The following MINAR2 variants were observed in gnomAD, a reference collection of about 807,000 sequenced individuals.
MINAR2 encodes membrane integral NOTCH2 associated receptor 2.
MINAR2 carries 21 observed loss-of-function variants against 16.1 expected under a neutral mutation model. That is an observed-to-expected ratio of 1.31 (90% CI 0.93 to 1.88). The LOEUF (loss-of-function observed/expected upper bound fraction) is 1.88, where lower values mean the gene tolerates loss of function less well. Ranked by LOEUF, MINAR2 falls within the 40% of genes most tolerant of loss-of-function variation. MINAR2 has a pLI of 0.00. For missense variants in MINAR2, 259 were observed against 229.8 expected (o/e 1.13, Z -0.82); for synonymous variants, 86 against 83.0 (o/e 1.04, Z -0.20).
chr5:129,748,465 G>C, intron 1 of MINAR2, 110 bp downstream of exon 1: 1 of 1,101,110 alleles, frequency 9.1e-7, no homozygotes. Context: ...GTACAAGGTA[G>C]CTGCTCTGTC....
rs560672066 is a variant in MINAR2 at position 129,752,972 on chromosome 5, T to C, written c.165+4617T>C. On this transcript the variant is annotated intron_variant, in intron 1 of 2. Coordinates refer to ENST00000564719, the MANE Select transcript of MINAR2 (RefSeq NM_001257308.2). ...TAAGGGCGAGAGGCTGCTCTTCCAT[T>C]GATTTCTAGACAATGTCATTTACTG... is the stretch of plus-strand genomic sequence containing the variant. Among the ~76,000 whole-genome samples the C allele has an allele frequency of 2.6e-5, 4 of 152,240 alleles. No homozygotes were observed. In the East Asian group the frequency reaches 7.7e-4, roughly 29 times the overall value.
Position 129,753,480 on chromosome 5 carries a change from C to CAAAAAAAAAAA in MINAR2, c.165+5133_165+5143dup, listed in dbSNP as rs758914420. Among the ~76,000 whole-genome samples the CAAAAAAAAAAA allele has an allele frequency of 2.0e-5, 2 of 100,810 alleles. 1 individual carries two copies. 66.1% of individuals were successfully genotyped at this position (100,810 alleles called of 152,430 possible). ...CCCAGGCAACAGAGCAAGACTGTCT[C>CAAAAAAAAAAA]AAAAAAAAAAAAAAAAAAGTCCCAG... On this transcript the variant is annotated intron_variant, in intron 1 of 2. Transcript: ENST00000564719.
At chr5:129,752,488 G>C (rs1334399296) in intron 1 of MINAR2, among the ~76,000 whole-genome samples, 1 of 152,068 alleles carries the variant, frequency 6.6e-6, no homozygotes, top group African/African-American at 2.4e-5. Context: ...AACCAAACAC[G>C]GCATGTTCTC....
chr5:129,748,625 C>T (rs1157409097), intron 1 of MINAR2, among the ~76,000 whole-genome samples: 3 of 152,154 alleles, frequency 2.0e-5, no homozygotes, highest in African/African-American at 7.2e-5. Context: ...CCCTCATTTA[C>T]TCCTTCCCTT....
chr5:129,758,534 A>G (rs1329887675), intron 1 of MINAR2, among the ~76,000 whole-genome samples: 1 of 151,984 alleles, frequency 6.6e-6, no homozygotes, highest in Non-Finnish European at 1.5e-5. Context: ...GTATTTTGCT[A>G]CTTTTACACA....
At chr5:129,752,674 G>T (rs1417840061) in intron 1 of MINAR2, among the ~76,000 whole-genome samples, 3 of 152,010 alleles carry the variant, frequency 2.0e-5, no homozygotes, top group Non-Finnish European at 4.4e-5. Flanking sequence ...AACCACCTTG[G>T]CACAGGTATA....
Position 129,761,940 on chromosome 5 carries a change from A to G in MINAR2, c.393+1335A>G, listed in dbSNP as rs1159357516. ...AACAGAAAGTGCCATGCAGTGTTCTAACTCATAAGTGGGAGCTGAACAATG... is the reference window on the plus strand; with the variant it reads ...AACAGAAAGTGCCATGCAGTGTTCTGACTCATAAGTGGGAGCTGAACAATG... On this transcript the variant is annotated intron_variant, in intron 2 of 2. Coordinates refer to ENST00000564719, the MANE Select transcript of MINAR2 (RefSeq NM_001257308.2). 2.6e-5 allele frequency among the ~76,000 whole-genome samples: 4 copies of G among 152,098 alleles called. No homozygotes were observed. In the East Asian group the frequency reaches 7.7e-4, roughly 29 times the overall value.
intron 1 of MINAR2, among the ~76,000 whole-genome samples, chr5:129,748,850 A>C (rs1403908538): frequency 6.6e-6 from 1 of 152,144 alleles, no homozygotes; most frequent in Non-Finnish European, 1.5e-5. Flanking sequence ...AGAACAATGG[A>C]AACCTAATTA....
chr5:129,765,047 T>C lies in MINAR2; in HGVS notation c.557T>C (p.Ile186Thr). ...ISILVTIVTI[I>T]TFFT is the part of the protein sequence containing the mutation. ...ATCTTGGTTACCATAGTGACTATCA[T>C]TACTTTTTTCACCTGAGGAAACTGC... The change falls in exon 3 of 3, where the codon ATT becomes ACT. Residue 186 changes from isoleucine to threonine, a missense_variant. Ile to Thr is a moderately conservative substitution (Grantham distance 89, BLOSUM62 -1). Coordinates refer to ENST00000564719, the MANE Select transcript of MINAR2 (RefSeq NM_001257308.2). The C allele has an allele frequency of 7.7e-7, 1 of 1,298,298 alleles. No individual in the cohort carries two copies. The allele number at this position is 1,298,298 out of a possible 1,614,324, so 80.4% of individuals were successfully genotyped here.
chr5:129,756,591 T>G (rs1284123028), intron 1 of MINAR2, among the ~76,000 whole-genome samples: 1 of 152,130 alleles, frequency 6.6e-6, no homozygotes, highest in Non-Finnish European at 1.5e-5. Flanking sequence ...TTTCCATTCC[T>G]GAGTTACTTC....
At chr5:129,760,281 C>A in intron 1 of MINAR2, 97 bp from the exon 2 acceptor site, 1 of 899,004 alleles carries the variant, frequency 1.1e-6, no homozygotes. Flanking sequence ...TGTGTTTCTG[C>A]ACAAAATCAG....
chr5:129,755,516 G>A (rs569007074), intron 1 of MINAR2, among the ~76,000 whole-genome samples: 4 of 91,676 alleles, frequency 4.4e-5, no homozygotes, highest in Admixed American at 1.2e-4. Flanking sequence ...AATTATCACA[G>A]GTTTGTTAAT....
Position 129,759,291 on chromosome 5 carries a change from C to G in MINAR2, c.166-1087C>G, listed in dbSNP as rs927155655. 3.3e-5 allele frequency among the ~76,000 whole-genome samples: 5 copies of G among 151,974 alleles called. No individual in the cohort carries two copies. In the East Asian group the frequency reaches 5.8e-4, roughly 18 times the overall value. ...AATATCTGTGAATTAAGGAAATGAG[C>G]CACTTCTTTTTAAAGATTAAAGATT... is the stretch of plus-strand genomic sequence containing the variant. On this transcript the variant is annotated intron_variant, in intron 1 of 2. Transcript: ENST00000564719.
intron 2 of MINAR2, 24 bp from the exon 3 acceptor site, chr5:129,764,860 A>T (rs1758188217): frequency 8.0e-7 from 1 of 1,247,456 alleles, no homozygotes; most frequent in African/African-American, 1.5e-5. Flanking sequence ...GATTAATCAT[A>T]TTCTCTATGT....
At chr5:129,755,752 G>T (rs1052424161) in intron 1 of MINAR2, among the ~76,000 whole-genome samples, 6 of 151,918 alleles carry the variant, frequency 3.9e-5, no homozygotes, top group African/African-American at 1.4e-4. Context: ...TTTTTCCAAT[G>T]AAATAGCTTT....
At chr5:129,762,213 C>A (rs1403755655) in intron 2 of MINAR2, among the ~76,000 whole-genome samples, 2 of 152,064 alleles carry the variant, frequency 1.3e-5, no homozygotes, top group African/African-American at 4.8e-5. Context: ...TCAAGATACA[C>A]TTTACCTATA....
intron 1 of MINAR2, among the ~76,000 whole-genome samples, chr5:129,754,405 C>T (rs746644704): frequency 1.3e-5 from 2 of 152,124 alleles, no homozygotes; most frequent in Non-Finnish European, 2.9e-5. Flanking sequence ...AGTGTATGTG[C>T]TGACATATGA....
intron 1 of MINAR2, among the ~76,000 whole-genome samples, chr5:129,753,787 G>A (rs1423405783): frequency 1.4e-5 from 2 of 147,428 alleles, no homozygotes; most frequent in African/African-American, 5.0e-5. Context: ...GCGTCAGAGA[G>A]AGAGAGAGAC....
chr5:129,752,111 TAC>T (rs1365847434), intron 1 of MINAR2, among the ~76,000 whole-genome samples: 6 of 152,216 alleles, frequency 3.9e-5, no homozygotes, highest in African/African-American at 1.4e-4. Flanking sequence ...GGAACGCTTT[TAC>T]ACTGTTGGTG....
Sources: allele counts gnomAD v4.1 joint callset (sites outside exome capture counted in the v4.1 genomes callset), GRCh38; gene constraint gnomAD v4.1.1; transcripts MANE v1.5; gene names NCBI Gene and HGNC (gene_info 2026-07-23, HGNC 2026-07-21).